The following ESRRG variants were observed in gnomAD, a reference collection of about 807,000 sequenced individuals.
ESRRG encodes the protein estrogen-related receptor gamma.
In ESRRG, 13 loss-of-function variants were observed where a neutral mutation model predicts 44.0. The ratio of observed to expected loss-of-function variants is 0.30; its 90% confidence interval spans 0.19 to 0.47. ESRRG has a LOEUF of 0.47. ESRRG is among the 20% of genes least tolerant of loss of function. ESRRG has a pLI of 1.00. For missense variants in ESRRG, 395 were observed against 580.6 expected, an observed-to-expected ratio of 0.68 and a Z score of 3.29; for synonymous variants, 215 against 214.6, an observed-to-expected ratio of 1.00 and a Z score of -0.02.
intron 2 of ESRRG, among the ~76,000 whole-genome samples, chr1:216,927,048 A>T (rs574338833): frequency 6.6e-6 from 1 of 152,296 alleles, no homozygotes; most frequent in South Asian, 2.1e-4. Context: ...AAAAGACTAG[A>T]TGCTTAGAAA....
intron 1 of ESRRG, among the ~76,000 whole-genome samples, chr1:217,010,425 G>A (rs1036888487): frequency 1.3e-5 from 2 of 152,130 alleles, no homozygotes; most frequent in African/African-American, 4.8e-5. Flanking sequence ...AAACAACTCA[G>A]TGTGGGAACA....
chr1:216,769,299 G>T (rs1258565541), intron 2 of ESRRG, among the ~76,000 whole-genome samples: 2 of 152,138 alleles, frequency 1.3e-5, no homozygotes, highest in African/African-American at 4.8e-5. Context: ...TTGCTTCCCA[G>T]GGGTGTTCTA....
At chr1:216,927,940 A>G (rs946620587) in intron 2 of ESRRG, among the ~76,000 whole-genome samples, 1 of 152,222 alleles carries the variant, frequency 6.6e-6, no homozygotes, top group Non-Finnish European at 1.5e-5. Context: ...TCCAGTTCCA[A>G]TCTTTAACTT....
At chr1:216,724,673 C>A (rs1156959802), upstream of ESRRG, among the ~76,000 whole-genome samples, 1 of 151,734 alleles carries the variant, frequency 6.6e-6, no homozygotes, top group Non-Finnish European at 1.5e-5. Context: ...CAAAAGTGTT[C>A]AAAAAAATAA....
At chr1:216,852,936 C>G (rs7523966) in intron 2 of ESRRG, among the ~76,000 whole-genome samples, 36,441 of 151,978 alleles carry the variant, frequency 0.24, 4,437 homozygotes, top group Admixed American at 0.3. Flanking sequence ...CCCGGGAAAC[C>G]TAATATGCAC....
chr1:216,994,898 T>C (rs964026352), intron 1 of ESRRG, among the ~76,000 whole-genome samples: 1 of 152,106 alleles, frequency 6.6e-6, no homozygotes, highest in African/African-American at 2.4e-5. Flanking sequence ...TCCAACAACT[T>C]CTAAATTTGC....
chr1:216,605,151 C>CT (rs891297678), intron 3 of ESRRG, among the ~76,000 whole-genome samples: 29 of 151,918 alleles, frequency 1.9e-4, no homozygotes, highest in Non-Finnish European at 4.0e-4. Context: ...CCATTTTCTT[C>CT]TTTTTTTTGC....
intron 5 of ESRRG, among the ~76,000 whole-genome samples, chr1:216,537,995 CT>C (rs1450406118): frequency 2.0e-5 from 3 of 152,014 alleles, no homozygotes; most frequent in African/African-American, 7.2e-5. Flanking sequence ...TGTGAAATGC[CT>C]TTTCCCTTCC....
At chr1:216,817,615 C>T (rs2095178826) in intron 2 of ESRRG, among the ~76,000 whole-genome samples, 1 of 152,144 alleles carries the variant, frequency 6.6e-6, no homozygotes, top group South Asian at 2.1e-4. Flanking sequence ...AAAGAAACAT[C>T]TAATATTCCA....
chr1:216,672,800 G>T (rs1253074884), intron 2 of ESRRG, among the ~76,000 whole-genome samples: 1 of 152,140 alleles, frequency 6.6e-6, no homozygotes, highest in Admixed American at 6.6e-5. Context: ...CCAGGAGGTG[G>T]AGGCTGCAGT....
intron 1 of ESRRG, among the ~76,000 whole-genome samples, chr1:217,075,549 T>C (rs1464778846): frequency 6.6e-6 from 1 of 151,984 alleles, no homozygotes; most frequent in East Asian, 1.9e-4. Context: ...CAAACTCCAC[T>C]TATACTTGGT....
At chr1:216,650,941 A>C in intron 3 of ESRRG, 32 bp downstream of exon 3, 1 of 1,428,796 alleles carries the variant, frequency 7.0e-7, no homozygotes, top group Non-Finnish European at 9.9e-7. Flanking sequence ...CAGCAAAATC[A>C]AAACCTCAGG....
intron 3 of ESRRG, among the ~76,000 whole-genome samples, chr1:216,626,525 A>ATAC (rs1466996320): frequency 6.6e-6 from 1 of 152,194 alleles, no homozygotes; most frequent in African/African-American, 2.4e-5. Context: ...AGCTATATGC[A>ATAC]TACCTTCTCC....
At chr1:216,980,125 A>G (rs964688004) in intron 1 of ESRRG, among the ~76,000 whole-genome samples, 3 of 152,114 alleles carry the variant, frequency 2.0e-5, no homozygotes, top group East Asian at 1.9e-4. Context: ...AACCCCCTCT[A>G]TGGTTACTAA....
At chr1:217,129,854 G>A (rs1383895190) in intron 1 of ESRRG, among the ~76,000 whole-genome samples, 1 of 152,060 alleles carries the variant, frequency 6.6e-6, no homozygotes, top group African/African-American at 2.4e-5. Flanking sequence ...TCCCTTTGGA[G>A]TGATAAAAAT....
At chr1:216,557,186 A>C (rs1335976672) in intron 5 of ESRRG, among the ~76,000 whole-genome samples, 1 of 152,168 alleles carries the variant, frequency 6.6e-6, no homozygotes, top group African/African-American at 2.4e-5. Context: ...ACTCTTGTCC[A>C]AACATCTTGA....
chr1:216,980,363 A>G (rs1890551), intron 1 of ESRRG, among the ~76,000 whole-genome samples: 21,736 of 152,030 alleles, frequency 0.14, 1,877 homozygotes, highest in East Asian at 0.42. Context: ...AAAAACCTCA[A>G]ACCTGACAAC....
chr1:216,775,884 C>A (rs1046129588), intron 2 of ESRRG, among the ~76,000 whole-genome samples: 3 of 151,714 alleles, frequency 2.0e-5, no homozygotes, highest in Middle Eastern at 3.4e-3. Flanking sequence ...TACAATATCA[C>A]CCCCAATTTA....
chr1:216,987,868 C>T (rs1331959416), intron 1 of ESRRG, among the ~76,000 whole-genome samples: 3 of 152,130 alleles, frequency 2.0e-5, no homozygotes, highest in African/African-American at 4.8e-5. Flanking sequence ...AACCAATGAT[C>T]GACAGAAGAG....
Sources: allele counts gnomAD v4.1 joint callset (sites outside exome capture counted in the v4.1 genomes callset), GRCh38; gene constraint gnomAD v4.1.1; transcripts MANE v1.5; gene names NCBI Gene and HGNC (gene_info 2026-07-23, HGNC 2026-07-21).